ABCC2: variants seen among roughly 807,000 people sequenced by gnomAD.
ABCC2 encodes the protein ATP binding cassette subfamily C member 2, also known as ATP-binding cassette sub-family C member 2.
ABCC2 carries 157 observed loss-of-function variants against 173.4 expected under a neutral mutation model. The observed-to-expected ratio is 0.91, with a 90% confidence interval of 0.80 to 1.03. ABCC2 has a LOEUF of 1.03. Ranked by LOEUF, ABCC2 falls within the 50% of genes least tolerant of loss-of-function variation. ABCC2 has a pLI of 0.00. For synonymous variants in ABCC2, 657 were observed against 693.5 expected (o/e 0.95, Z 0.83); for missense variants, 1,822 against 1,852.3 (o/e 0.98, Z 0.30).
chr10:99,845,157 G>A (rs184100235), intron 28 of ABCC2, among the ~76,000 whole-genome samples: 143 of 152,216 alleles, frequency 9.4e-4, no homozygotes, highest in African/African-American at 3.3e-3. Context: ...AGACTCCCAA[G>A]TAGCTGGGAC....
intron 28 of ABCC2, 114 bp from the exon 29 acceptor site, chr10:99,845,510 G>A (rs1590192815): frequency 1.5e-6 from 2 of 1,343,412 alleles, no homozygotes; most frequent in East Asian, 4.6e-5. Flanking sequence ...ATATCTTAGA[G>A]ATGGAGTAGC....
chr10:99,849,000 G>A (rs1027284616), intron 30 of ABCC2, among the ~76,000 whole-genome samples: 11 of 152,160 alleles, frequency 7.2e-5, no homozygotes, highest in African/African-American at 2.2e-4. Context: ...CGAGGCAGCC[G>A]GATCACCTGA....
intron 8 of ABCC2, 112 bp from the exon 9 acceptor site, chr10:99,800,274 T>C (rs1473902326): frequency 8.8e-7 from 1 of 1,136,572 alleles, no homozygotes. Context: ...ACAATTCTGG[T>C]CACTTTTGTT....
chr10:99,799,296 C>A lies in ABCC2; in HGVS notation c.957C>A (p.Tyr319Ter). ...WLMKALFKTF[Y>*]MVLLKSFLLK... ...TGAAGGCTCTGTTCAAAACTTTCTA[C>A]ATGGTGCTCCTGAAATCATTCCTAC... is the stretch of plus-strand genomic sequence containing the variant. Residue 319 changes from tyrosine to a stop codon, truncating the protein, a stop_gained, in exon 8 of 32, where the codon TAC becomes TAA. Coordinates refer to ENST00000647814, the MANE Select transcript of ABCC2 (RefSeq NM_000392.5). LOFTEE classifies it high-confidence loss of function. The A allele has an allele frequency of 6.2e-7, 1 of 1,614,184 alleles. No homozygotes were observed. Among genetic ancestry groups the A allele is most frequent in the Non-Finnish European group, 8.5e-7 (1 of 1,180,026 alleles).
intron 29 of ABCC2, among the ~76,000 whole-genome samples, chr10:99,846,532 G>A (rs990026999): frequency 1.3e-5 from 2 of 152,126 alleles, no homozygotes; most frequent in Non-Finnish European, 2.9e-5. Context: ...GAGCCCAGGA[G>A]TTCAAGATCA....
intron 25 of ABCC2, 127 bp from the exon 26 acceptor site, chr10:99,841,840 A>G: frequency 8.2e-7 from 1 of 1,214,174 alleles, no homozygotes; most frequent in Admixed American, 1.9e-5. Context: ...AGTCAAATTG[A>G]GGCATTGCCT....
At chr10:99,793,789 G>T (rs1442575469) in intron 4 of ABCC2, 103 bp from the exon 5 acceptor site, 2 of 1,577,548 alleles carry the variant, frequency 1.3e-6, no homozygotes, top group Admixed American at 3.4e-5. Context: ...TGTATTAGAG[G>T]GATTTGATCA....
In ABCC2 at chr10:99,814,192, CATGTGTATATAT is replaced by C. The variant is rs1564683539; in HGVS notation, c.2094+1050_2094+1061del. Among the ~76,000 whole-genome samples, 289 of 81,614 alleles carry C rather than the reference CATGTGTATATAT, an allele frequency of 3.5e-3. 11 individuals carry two copies. The highest frequency in any genetic ancestry group is 8.4e-3 in the African/African-American group (193 of 22,908). The allele number at this position is 81,614 out of a possible 152,430, so 53.5% of individuals were successfully genotyped here. On this transcript the variant is annotated intron_variant, in intron 16 of 31. Transcript: ENST00000647814. ...ATATACACACATGTATGTATACACA[CATGTGTATATAT>C]ACACACATGTGTATATATACACACA...
At chr10:99,823,537 G>GT (rs1302463636) in intron 19 of ABCC2, among the ~76,000 whole-genome samples, 1,553 of 149,252 alleles carry the variant, frequency 0.01, 17 homozygotes, top group African/African-American at 0.037. Context: ...TCAAAATCTT[G>GT]TAACACTGTA....
chr10:99,839,209 C>A (rs1590188505), intron 25 of ABCC2, among the ~76,000 whole-genome samples: 1 of 104,536 alleles, frequency 9.6e-6, no homozygotes, highest in East Asian at 2.9e-4. Flanking sequence ...ACCTCCCTCC[C>A]GGACGGGCCG....
At position 99,836,303 on chromosome 10, in the gene ABCC2, C is replaced by A. The variant is rs1346216242; in HGVS notation, c.3614+13C>A. 3 of 1,613,592 alleles carry A rather than the reference C, an allele frequency of 1.9e-6. No individual in the cohort carries two copies. The highest frequency in any genetic ancestry group is 4.5e-5 in the East Asian group (2 of 44,886). On this transcript the variant is annotated intron_variant, in intron 25 of 31. Transcript: ENST00000647814. ...TCACCTCCAACAGGTGAGGCTTCCCCTGGGTATTTACCCATGTGTGTACTT... is the reference window on the plus strand; with the variant it reads ...TCACCTCCAACAGGTGAGGCTTCCCATGGGTATTTACCCATGTGTGTACTT...
rs113604648 is a variant in ABCC2, at chr10:99,842,594, C to A, written c.3741+501C>A. Reference sequence around the variant, plus strand: ...TAGAGGATACATGGCAGGCATGATTCTTTTCTAGCACCTAAGACAGTGGCT... The same window carrying A: ...TAGAGGATACATGGCAGGCATGATTATTTTCTAGCACCTAAGACAGTGGCT... On this transcript the variant is annotated intron_variant, in intron 26 of 31. Transcript: ENST00000647814. Among the ~76,000 whole-genome samples, 339 of 152,280 alleles carry A rather than the reference C, an allele frequency of 2.2e-3. 2 individuals are homozygous for A. The highest frequency in any genetic ancestry group is 7.3e-3 in the African/African-American group (302 of 41,566).
At chr10:99,822,753 C>T (rs1318405737) in intron 19 of ABCC2, among the ~76,000 whole-genome samples, 1 of 152,164 alleles carries the variant, frequency 6.6e-6, no homozygotes, top group Admixed American at 6.5e-5. Flanking sequence ...GTGGTACACT[C>T]CTTACTGTCT....
rs764021205 is a variant in ABCC2, at chr10:99,817,497, A to G, written c.2271+13A>G. On this transcript the variant is annotated intron_variant, in intron 17 of 31. Coordinates refer to ENST00000647814, the MANE Select transcript of ABCC2 (RefSeq NM_000392.5). Reference sequence around the variant, plus strand: ...GATTGGAGAGAAGGTACTTGGGATAACAAGGGATCTTCAAGGGTGAAGGCA... The same window carrying G: ...GATTGGAGAGAAGGTACTTGGGATAGCAAGGGATCTTCAAGGGTGAAGGCA... 1.2e-6 allele frequency: 2 copies of G among 1,614,068 alleles called. No homozygotes were observed. Among genetic ancestry groups the G allele is most frequent in the Non-Finnish European group, 1.7e-6 (2 of 1,179,942 alleles).
rs1197030382 is a variant in ABCC2 at position 99,843,867 on chromosome 10, G to A, written c.3810G>A (p.Glu1270=). 1 of 1,614,214 alleles carries A rather than the reference G, an allele frequency of 6.2e-7. No individual in the cohort carries two copies. Among genetic ancestry groups the A allele is most frequent in the South Asian group, 1.1e-5 (1 of 91,082 alleles). Residue 1270 remains glutamate, a synonymous_variant, in exon 27 of 32, where the codon GAG becomes GAA. Coordinates refer to ENST00000647814, the MANE Select transcript of ABCC2 (RefSeq NM_000392.5). Reference sequence around the variant, plus strand: ...TAGAGACCAACATTGTGGCTGTTGAGCGAATAACTGAGTACACAAAAGTGG... The same window carrying A: ...TAGAGACCAACATTGTGGCTGTTGAACGAATAACTGAGTACACAAAAGTGG... The part of the protein sequence containing the change: ...SEIETNIVAV[E]RITEYTKVEN...
chr10:99,839,296 TC>T (rs2038892962), intron 25 of ABCC2, among the ~76,000 whole-genome samples: 1 of 87,212 alleles, frequency 1.1e-5, no homozygotes, highest in South Asian at 4.6e-4. Flanking sequence ...GCTCCTCACT[TC>T]CCAGTAGGGG....
intron 3 of ABCC2, 139 bp from the exon 4 acceptor site, chr10:99,793,412 T>C: frequency 8.0e-7 from 1 of 1,249,428 alleles, no homozygotes; most frequent in Non-Finnish European, 1.2e-6. Flanking sequence ...GGCATCTGTG[T>C]GCTCTCTACC....
intron 16 of ABCC2, among the ~76,000 whole-genome samples, chr10:99,815,855 A>G (rs925111013): frequency 4.6e-5 from 7 of 152,214 alleles, no homozygotes; most frequent in African/African-American, 9.6e-5. Flanking sequence ...ATAGCAGAGC[A>G]GGCTACAGAT....
chr10:99,782,708 A>T lies in ABCC2; in HGVS notation c.-137A>T. On this transcript the variant is annotated 5_prime_UTR_variant, in exon 1 of 32. An upstream start codon of the reference 5' UTR is lost. Coordinates refer to ENST00000647814, the MANE Select transcript of ABCC2 (RefSeq NM_000392.5). The stretch of plus-strand genomic sequence containing the variant: ...CAAGGTTAACGATTAAATGGTTGGG[A>T]TGAAAGGTCATCCTTTACGGAGAAC... The T allele has an allele frequency of 2.0e-6, 2 of 1,010,704 alleles. No individual in the cohort carries two copies. The highest frequency in any genetic ancestry group is 2.7e-5 in the South Asian group (2 of 73,384). 62.6% of individuals were successfully genotyped at this position (1,010,704 alleles called of 1,614,324 possible).
Sources: gnomAD v4.1 joint callset for allele counts (sites outside exome capture counted in the v4.1 genomes callset) on GRCh38, gnomAD v4.1.1 for gene constraint, MANE v1.5 for transcripts, NCBI Gene and HGNC (gene_info 2026-07-23, HGNC 2026-07-21) for gene names.